Variants in FARS2 observed in about 807,000 individuals in gnomAD.
The protein encoded by FARS2 is phenylalanine--tRNA ligase, mitochondrial.
Under a neutral mutation model 46.4 loss-of-function variants are expected in FARS2, and 40 were observed. That is an observed-to-expected ratio of 0.86 (90% CI 0.67 to 1.12). FARS2 has a LOEUF of 1.12. Ranked by LOEUF, FARS2 falls within the 50% of genes most tolerant of loss-of-function variation. The pLI is 0.00. For synonymous variants in FARS2, 234 were observed against 214.9 expected (o/e 1.09, Z -0.78); for missense variants, 513 against 567.9 (o/e 0.90, Z 0.98).
At chr6:5,598,628 T>G (rs1366394035) in intron 5 of FARS2, among the ~76,000 whole-genome samples, 1 of 152,198 alleles carries the variant, frequency 6.6e-6, no homozygotes. Context: ...ATAAGGTGAA[T>G]GTCTACTGGG....
chr6:5,757,914 G>A (rs1259917275), intron 6 of FARS2, among the ~76,000 whole-genome samples: 2 of 152,220 alleles, frequency 1.3e-5, no homozygotes, highest in Non-Finnish European at 2.9e-5. Context: ...AAGGCCCAGA[G>A]CTTTCTTTAG....
chr6:5,388,820 G>A (rs1263452311), intron 2 of FARS2, among the ~76,000 whole-genome samples: 1 of 151,860 alleles, frequency 6.6e-6, no homozygotes, highest in Non-Finnish European at 1.5e-5. Flanking sequence ...TTCTGTTGTC[G>A]GTGGGCAGTT....
At chr6:5,520,507 A>T (rs1769065143) in intron 4 of FARS2, among the ~76,000 whole-genome samples, 2 of 152,250 alleles carry the variant, frequency 1.3e-5, no homozygotes, top group African/African-American at 2.4e-5. Context: ...ATTGCACAAA[A>T]TATAGAGAAT....
At chr6:5,650,540 G>A (rs1777301499) in intron 6 of FARS2, among the ~76,000 whole-genome samples, 1 of 152,102 alleles carries the variant, frequency 6.6e-6, no homozygotes, top group South Asian at 2.1e-4. Context: ...GAGTGCAGAG[G>A]TGCGATCTCA....
intron 4 of FARS2, among the ~76,000 whole-genome samples, chr6:5,483,967 C>T (rs1766626964): frequency 6.6e-6 from 1 of 151,806 alleles, no homozygotes; most frequent in African/African-American, 2.4e-5. Context: ...TTTGAAATGC[C>T]CAGTAAAACT....
At chr6:5,678,514 T>C (rs1778877481) in intron 6 of FARS2, among the ~76,000 whole-genome samples, 1 of 152,214 alleles carries the variant, frequency 6.6e-6, no homozygotes, top group Admixed American at 6.5e-5. Flanking sequence ...ACTTTTATAG[T>C]CTGCATTGTC....
At chr6:5,663,770 A>G (rs990505294) in intron 6 of FARS2, among the ~76,000 whole-genome samples, 1 of 152,250 alleles carries the variant, frequency 6.6e-6, no homozygotes, top group Non-Finnish European at 1.5e-5. Context: ...CAAAAGAACA[A>G]GGAAGATGTC....
chr6:5,652,911 T>C (rs1777438776), intron 6 of FARS2, among the ~76,000 whole-genome samples: 1 of 152,156 alleles, frequency 6.6e-6, no homozygotes, highest in Non-Finnish European at 1.5e-5. Flanking sequence ...CCTAAGAGTT[T>C]CCTTTTAGCC....
At chr6:5,681,619 G>T (rs1472547003) in intron 6 of FARS2, among the ~76,000 whole-genome samples, 1 of 152,226 alleles carries the variant, frequency 6.6e-6, no homozygotes, top group East Asian at 1.9e-4. Context: ...AACAACGAAA[G>T]GTGGGGAAAT....
intron 2 of FARS2, among the ~76,000 whole-genome samples, chr6:5,385,817 C>G (rs1760094053): frequency 6.6e-6 from 1 of 152,102 alleles, no homozygotes. Context: ...AGCAGTAGAC[C>G]TGCCAAGTAT....
intron 1 of FARS2, among the ~76,000 whole-genome samples, chr6:5,337,577 C>T (rs1206563909): frequency 1.3e-5 from 2 of 152,094 alleles, no homozygotes. Flanking sequence ...GGATGTTTTT[C>T]ATTATTCGCT....
chr6:5,714,493 A>T (rs903140754), intron 6 of FARS2, among the ~76,000 whole-genome samples: 1 of 152,120 alleles, frequency 6.6e-6, no homozygotes, highest in Non-Finnish European at 1.5e-5. Flanking sequence ...TCTTGCTGCT[A>T]CTCCTACATT....
At chr6:5,270,942 GC>G (rs1402568615) in intron 1 of FARS2, among the ~76,000 whole-genome samples, 7 of 152,168 alleles carry the variant, frequency 4.6e-5, no homozygotes, top group African/African-American at 7.2e-5. Context: ...CTTACTCAAA[GC>G]TACCTTCTCT....
intron 3 of FARS2, among the ~76,000 whole-genome samples, chr6:5,424,057 A>G (rs987131129): frequency 7.2e-5 from 11 of 152,186 alleles, no homozygotes; most frequent in Non-Finnish European, 1.6e-4. Context: ...AAGGGCAAGG[A>G]AGGCAGCCCT....
At chr6:5,421,465 G>GCAGCCAGTTTGAATTTCTC (rs1302582713) in intron 3 of FARS2, among the ~76,000 whole-genome samples, 1 of 152,154 alleles carries the variant, frequency 6.6e-6, no homozygotes, top group Non-Finnish European at 1.5e-5. Flanking sequence ...GCCAATTTCT[G>GCAGCCAGTTTGAATTTCTC]CAGCCAGTTT....
chr6:5,769,492 A>G (rs753417788), intron 6 of FARS2, among the ~76,000 whole-genome samples: 6 of 152,340 alleles, frequency 3.9e-5, no homozygotes, highest in Admixed American at 6.5e-5. Context: ...AAGTGAGGAG[A>G]AAAGACCACT....
At chr6:5,728,344 A>G (rs1760400939) in intron 6 of FARS2, among the ~76,000 whole-genome samples, 1 of 152,022 alleles carries the variant, frequency 6.6e-6, no homozygotes, top group South Asian at 2.1e-4. Context: ...GAGGGGGATT[A>G]TGGATTTTGG....
intron 2 of FARS2, among the ~76,000 whole-genome samples, chr6:5,390,991 G>C (rs1407511569): frequency 6.6e-6 from 1 of 152,206 alleles, no homozygotes; most frequent in African/African-American, 2.4e-5. Context: ...TTTGAGAAAT[G>C]TATTAGTCCT....
intron 4 of FARS2, among the ~76,000 whole-genome samples, chr6:5,544,273 G>A (rs1229456030): frequency 6.6e-6 from 1 of 152,186 alleles, no homozygotes; most frequent in African/African-American, 2.4e-5. Context: ...AGCAGTCACA[G>A]GCTTAAATTC....
Sources: gnomAD v4.1 joint callset for allele counts (sites outside exome capture counted in the v4.1 genomes callset) on GRCh38, gnomAD v4.1.1 for gene constraint, MANE v1.5 for transcripts, NCBI Gene and HGNC (gene_info 2026-07-23, HGNC 2026-07-21) for gene names.